L1CAM: variants seen among roughly 807,000 people sequenced by gnomAD.
L1CAM encodes neural cell adhesion molecule L1.
Under a neutral mutation model 93.0 loss-of-function variants are expected in L1CAM, and 8 were observed. That is an observed-to-expected ratio of 0.09 (90% confidence interval 0.05 to 0.16). L1CAM has a LOEUF of 0.16. Among genes scored for constraint, L1CAM ranks in the 10% least tolerant of loss-of-function variants. The probability of loss-of-function intolerance (pLI) is 1.00; values close to 1 mark genes in which losing one functional copy is unlikely to be tolerated. For synonymous variants in L1CAM, 453 were observed against 453.0 expected, an observed-to-expected ratio of 1.00 and a Z score of 0.00; for missense variants, 777 against 1,073.4, an observed-to-expected ratio of 0.72 and a Z score of 3.86.
chrX:153,873,282 G>C (rs201281974), intron 2 of L1CAM, 40 bp from the exon 3 acceptor site: 2 of 1,189,063 alleles, frequency 1.7e-6, no homozygotes, highest in Non-Finnish European at 2.3e-6. Context: ...GGAATGGAGA[G>C]AAATACTGAC....
At position 153,870,465 on chromosome X, in the gene L1CAM, G is replaced by A. The variant is rs782492763; in HGVS notation, c.729C>T (p.Leu243=). ...GGTGGCTGCTGGAGTTGGTGGGGAA[G>A]AGCAGGCGCGGCTTCCTGTCAATCA... The part of the protein sequence containing the change: ...NSMIDRKPRL[L]FPTNSSSHLV... The change falls in exon 8 of 29, where the codon CTC becomes CTT. Residue 243 remains leucine, a synonymous_variant. Coordinates refer to ENST00000370060, the MANE Select transcript of L1CAM (RefSeq NM_001278116.2). 2 of 1,210,576 alleles carry A rather than the reference G, an allele frequency of 1.7e-6. No individual in the cohort carries two copies. Among genetic ancestry groups the A allele is most frequent in the African/African-American group, 3.5e-5 (2 of 57,456 alleles).
chrX:153,875,970 A>C, intron 1 of L1CAM, 26 bp from the exon 2 acceptor site: 1 of 498,319 alleles, frequency 2.0e-6, no homozygotes, highest in Non-Finnish European at 3.5e-6. Context: ...AGGGAAGGGA[A>C]GGGTGGGGGA....
chrX:153,875,627 G>C, intron 2 of L1CAM, 134 bp downstream of exon 2: 1 of 599,400 alleles, frequency 1.7e-6, no homozygotes, highest in Non-Finnish European at 2.8e-6. Context: ...GCTATCTCCT[G>C]CCCACCCTGT....
intron 28 of L1CAM, among the ~76,000 whole-genome samples, chrX:153,863,145 T>A (rs1458429889): frequency 9.0e-6 from 1 of 111,689 alleles, no homozygotes; most frequent in African/African-American, 3.3e-5. Context: ...TGGGAAGCTG[T>A]CTGGGGCCTC....
At position 153,865,217 on chromosome X, in the gene L1CAM, G is replaced by A. The variant is rs1173518873; in HGVS notation, c.2750-7C>T. The A allele has an allele frequency of 2.5e-6, 3 of 1,208,417 alleles. No individual in the cohort carries two copies. Among genetic ancestry groups the A allele is most frequent in the Non-Finnish European group, 3.4e-6 (3 of 894,924 alleles). On this transcript the variant is annotated splice_polypyrimidine_tract_variant and splice_region_variant and intron_variant, in intron 21 of 28. Transcript: ENST00000370060. Reference sequence around the variant, plus strand: ...GCCTCGGGGTGGCCAGGCACTGCAGGGCACAGAACCGAGTGGCAGGTAGGT... The same window carrying A: ...GCCTCGGGGTGGCCAGGCACTGCAGAGCACAGAACCGAGTGGCAGGTAGGT...
chrX:153,870,726 T>C (rs1323560471), intron 7 of L1CAM, 64 bp downstream of exon 7: 1 of 1,092,412 alleles, frequency 9.2e-7, no homozygotes, highest in Non-Finnish European at 1.3e-6. Flanking sequence ...GGACCTATGG[T>C]GGGAAGGGCC....
At chrX:153,863,435 G>C in intron 27 of L1CAM, 42 bp downstream of exon 27, 1 of 1,208,710 alleles carries the variant, frequency 8.3e-7, no homozygotes, top group East Asian at 3.0e-5. Context: ...GTGAAGGCCA[G>C]GGTGGAGCTG....
chrX:153,869,000 G>A, intron 11 of L1CAM, 48 bp from the exon 12 acceptor site: 1 of 1,037,646 alleles, frequency 9.6e-7, no homozygotes. Flanking sequence ...TGGGACCACA[G>A]CTGGGCCAGG....
At position 153,864,463 on chromosome X, in the gene L1CAM, C is replaced by T; in HGVS notation, c.3181G>A (p.Ala1061Thr). Reference sequence around the variant, plus strand: ...CTGACATACTGTGGCGAAAGGGAAGCCCCACCCTTCTCTTCTGCCAGGGAG... The same window carrying T: ...CTGACATACTGTGGCGAAAGGGAAGTCCCACCCTTCTCTTCTGCCAGGGAG... The part of the protein sequence containing the change: ...FKALGEEKGG[A>T]SLSPQYVSYN... The change falls in exon 25 of 29, where the codon GCT becomes ACT. Residue 1061 changes from alanine (A) to threonine (T), a missense_variant. By Grantham distance (58) the Ala-to-Thr change is moderately conservative. Coordinates refer to ENST00000370060, the MANE Select transcript of L1CAM (RefSeq NM_001278116.2). 1.7e-6 allele frequency: 2 copies of T among 1,210,238 alleles called. No homozygotes were observed. Among genetic ancestry groups the T allele is most frequent in the South Asian group, 1.8e-5 (1 of 56,894 alleles).
intron 1 of L1CAM, chrX:153,883,949 T>G (rs1557096321): frequency 2.9e-6 from 1 of 339,939 alleles, no homozygotes. Context: ...CCTGGCCAGG[T>G]GCATGCCAAG....
rs782550877 is a variant in L1CAM at position 153,868,533 on chromosome X, G to A, written c.1546+28C>T. The A allele has an allele frequency of 2.6e-5, 32 of 1,212,130 alleles. No homozygotes were observed. In the South Asian group the frequency reaches 5.1e-4, roughly 19 times the overall value. On this transcript the variant is annotated intron_variant, in intron 13 of 28. Coordinates refer to ENST00000370060, the MANE Select transcript of L1CAM (RefSeq NM_001278116.2). Reference sequence around the variant, plus strand: ...CCAGACCCTCCCTCCCAGAGGCACTGCCAGCCATGTGGCAAGGGTTGCCTG... The same window carrying A: ...CCAGACCCTCCCTCCCAGAGGCACTACCAGCCATGTGGCAAGGGTTGCCTG...
At position 153,870,444 on chromosome X, in the gene L1CAM, G is replaced by T. The variant is rs112170723; in HGVS notation, c.750C>A (p.Ser250Arg). The change falls in exon 8 of 29, where the codon AGC (serine) becomes AGA (arginine). Residue 250 changes from serine to arginine, a missense_variant. Transcript: ENST00000370060. Reference protein sequence around the residue: ...PRLLFPTNSSSHLVALQGQPL... With the variant: ...PRLLFPTNSSRHLVALQGQPL... ...GCTGCCCCTGCAAGGCCACCAGGTG[G>T]CTGCTGGAGTTGGTGGGGAAGAGCA... is the stretch of plus-strand genomic sequence containing the variant. The T allele has an allele frequency of 2.5e-6, 3 of 1,211,967 alleles. No homozygotes were observed. The highest frequency in any genetic ancestry group is 3.4e-6 in the Non-Finnish European group (3 of 895,315).
intron 1 of L1CAM, chrX:153,883,966 G>A (rs947197740): frequency 6.7e-5 from 23 of 341,109 alleles, no homozygotes; most frequent in South Asian, 1.3e-4. Context: ...CAAGGAAGGC[G>A]CCAGCTGTAG....
chrX:153,885,152 G>A (rs781973414), intron 1 of L1CAM, among the ~76,000 whole-genome samples: 7 of 113,245 alleles, frequency 6.2e-5, no homozygotes, highest in Admixed American at 3.7e-4. Context: ...GGAGGGAATA[G>A]GAATCGCTGA....
intron 2 of L1CAM, among the ~76,000 whole-genome samples, chrX:153,875,308 A>G (rs782617800): frequency 9.0e-6 from 1 of 111,415 alleles, no homozygotes; most frequent in Non-Finnish European, 1.9e-5. Context: ...CCAGGAGGGG[A>G]AAGAGAAATG....
At chrX:153,883,399 G>A (rs1374337834) in intron 1 of L1CAM, among the ~76,000 whole-genome samples, 1 of 109,362 alleles carries the variant, frequency 9.1e-6, no homozygotes, top group Admixed American at 9.6e-5. Context: ...CCCTGGGGGT[G>A]GGGCACAGGG....
chrX:153,870,692 T>G (rs2064760986), intron 7 of L1CAM, 98 bp downstream of exon 7: 6 of 958,922 alleles, frequency 6.3e-6, no homozygotes, highest in Non-Finnish European at 9.0e-6. Context: ...AAGCTGTTCT[T>G]GAGGAAGCCT....
In L1CAM at chrX:153,864,578, C is replaced by G. The variant is rs781906138; in HGVS notation, c.3166+7G>C. ...CACCACGCCCCAAGGCCCCCTTTCA[C>G]GCTTACCTCCCAAGGCTTTGAACAA... On this transcript the variant is annotated splice_region_variant and intron_variant, in intron 24 of 28. Coordinates refer to ENST00000370060, the MANE Select transcript of L1CAM (RefSeq NM_001278116.2). 1 of 1,200,772 alleles carries G rather than the reference C, an allele frequency of 8.3e-7. No homozygotes were observed. The highest frequency in any genetic ancestry group is 1.1e-6 in the Non-Finnish European group (1 of 887,404).
rs782808723 is a variant in L1CAM at position 153,864,978 on chromosome X, C to T, written c.2889G>A (p.Lys963=). The part of the protein sequence containing the change: ...LSYHPLDEGG[K]GQLSFNLRDP... ...CCCGAAGGTTGAAGGACAGTTGCCC[C>T]TTGCCCCCCTCATCCACTGTGGGGA... Residue 963 remains lysine (K), a synonymous_variant, in exon 23 of 29, where the codon AAG becomes AAA. Transcript: ENST00000370060. 3 of 1,212,444 alleles carry T rather than the reference C, an allele frequency of 2.5e-6. No individual in the cohort carries two copies. The highest frequency in any genetic ancestry group is 3.3e-6 in the Non-Finnish European group (3 of 895,614).
Sources: allele counts gnomAD v4.1 joint callset (sites outside exome capture counted in the v4.1 genomes callset), GRCh38; gene constraint gnomAD v4.1.1; transcripts MANE v1.5; gene names NCBI Gene and HGNC (gene_info 2026-07-23, HGNC 2026-07-21).